TRNAU1AP: variants seen among roughly 807,000 people sequenced by gnomAD.
TRNAU1AP encodes tRNA selenocysteine 1 associated protein 1.
A neutral mutation model predicts 43.3 loss-of-function variants in TRNAU1AP; 33 were observed. The ratio of observed to expected loss-of-function variants is 0.76; its 90% confidence interval spans 0.58 to 1.02. The LOEUF is 1.02. Ranked by LOEUF, TRNAU1AP falls within the 50% of genes least tolerant of loss-of-function variation. The pLI, the probability that TRNAU1AP is intolerant of heterozygous loss-of-function variation, is 0.00. For missense variants in TRNAU1AP, 290 were observed against 362.7 expected, an observed-to-expected ratio of 0.80 and a Z score of 1.63; for synonymous variants, 143 against 129.1, an observed-to-expected ratio of 1.11 and a Z score of -0.73.
At chr1:28,570,672 C>T (rs1665645425) in intron 6 of TRNAU1AP, among the ~76,000 whole-genome samples, 1 of 152,050 alleles carries the variant, frequency 6.6e-6, no homozygotes, top group Non-Finnish European at 1.5e-5. Context: ...TGGAGCCATA[C>T]TCTCATATTA....
At chr1:28,565,098 G>A (rs1665508383) in intron 5 of TRNAU1AP, 2 of 448,950 alleles carry the variant, frequency 4.5e-6, no homozygotes, top group South Asian at 5.0e-5. Context: ...AAGGATTAAA[G>A]GATATAATAT....
At chr1:28,553,914 C>A in intron 2 of TRNAU1AP, 177 bp downstream of exon 2, 1 of 609,658 alleles carries the variant, frequency 1.6e-6, no homozygotes, top group East Asian at 3.0e-5. Context: ...AAGGGTAGGA[C>A]TTGCCAGGCG....
At chr1:28,570,555 GT>G (rs1343114512) in intron 6 of TRNAU1AP, among the ~76,000 whole-genome samples, 1 of 148,422 alleles carries the variant, frequency 6.7e-6, no homozygotes, top group Non-Finnish European at 1.5e-5. Flanking sequence ...GCCCTTTTTT[GT>G]TTTGTTTTTT....
chr1:28,553,329 G>A, intron 1 of TRNAU1AP, 192 bp downstream of exon 1: 2 of 750,628 alleles, frequency 2.7e-6, no homozygotes, highest in Non-Finnish European at 4.3e-6. Context: ...TAGGGGTCCT[G>A]GGGCCCCACC....
chr1:28,569,477 G>A (rs554965383), intron 6 of TRNAU1AP, among the ~76,000 whole-genome samples: 3 of 151,868 alleles, frequency 2.0e-5, no homozygotes, highest in Middle Eastern at 3.4e-3. Flanking sequence ...GGATCACAAG[G>A]TCAGGAGATC....
At chr1:28,561,285 A>T (rs761978667) in intron 3 of TRNAU1AP, 61 bp from the exon 4 acceptor site, 2 of 1,606,578 alleles carry the variant, frequency 1.2e-6, no homozygotes, top group African/African-American at 1.3e-5. Flanking sequence ...TTTTCTTCAA[A>T]TATTGTTCAA....
intron 2 of TRNAU1AP, among the ~76,000 whole-genome samples, chr1:28,554,864 T>C (rs1665223678): frequency 6.7e-6 from 1 of 149,772 alleles, no homozygotes; most frequent in African/African-American, 2.5e-5. Context: ...AAAAGAGTTA[T>C]AATAAATAAC....
intron 4 of TRNAU1AP, among the ~76,000 whole-genome samples, chr1:28,564,091 C>A (rs1039645414): frequency 3.9e-5 from 6 of 152,014 alleles, no homozygotes; most frequent in Non-Finnish European, 7.4e-5. Context: ...TTGGCGAAAC[C>A]CCGTCTCTGC....
intron 5 of TRNAU1AP, among the ~76,000 whole-genome samples, chr1:28,566,759 C>CAAA (rs1204229638): frequency 2.8e-5 from 2 of 72,360 alleles, no homozygotes; most frequent in Admixed American, 1.5e-4. Context: ...AACTCCATCT[C>CAAA]AAAAAAAAAA....
intron 4 of TRNAU1AP, among the ~76,000 whole-genome samples, chr1:28,563,904 A>G (rs1213032883): frequency 6.6e-6 from 1 of 152,022 alleles, no homozygotes; most frequent in African/African-American, 2.4e-5. Flanking sequence ...TATTTTTTTA[A>G]TAGAATTGAC....
At chr1:28,564,961 G>A in intron 5 of TRNAU1AP, 127 bp downstream of exon 5, 1 of 1,159,542 alleles carries the variant, frequency 8.6e-7, no homozygotes, top group Non-Finnish European at 1.3e-6. Context: ...CAAACTGCCT[G>A]GTTCAAATCC....
At chr1:28,576,202 T>C (rs1665775783) in intron 8 of TRNAU1AP, among the ~76,000 whole-genome samples, 2 of 149,126 alleles carry the variant, frequency 1.3e-5, no homozygotes, top group African/African-American at 2.5e-5. Flanking sequence ...TGCCCAGACT[T>C]GAGATCAGTG....
In TRNAU1AP at chr1:28,571,204, C is replaced by G. The variant is rs1665654955; in HGVS notation, c.559C>G (p.Gln187Glu). The G allele has an allele frequency of 6.2e-7, 1 of 1,613,958 alleles. No homozygotes were observed. Among genetic ancestry groups the G allele is most frequent in the African/African-American group, 1.3e-5 (1 of 74,908 alleles). ...ASRVKPVEYS[Q>E]MYSYSYNQYY... ...CCGTGTAAAGCCAGTGGAATATAGT[C>G]AGATGTACAGTTATAGCTACAACCA... The change falls in exon 7 of 9, where the codon CAG becomes GAG. Residue 187 changes from glutamine to glutamate, a missense_variant. This residue lies in a region of TRNAU1AP where 174 missense variants were observed against 262.1 expected (regional missense o/e 0.66). Transcript: ENST00000373830.
chr1:28,562,164 C>T (rs780643239), intron 4 of TRNAU1AP, among the ~76,000 whole-genome samples: 3 of 152,218 alleles, frequency 2.0e-5, no homozygotes, highest in Admixed American at 1.3e-4. Flanking sequence ...AGCATTAAAA[C>T]GGTGTACCAA....
chr1:28,554,049 T>G (rs181440594), intron 2 of TRNAU1AP: 118 of 206,306 alleles, frequency 5.7e-4, no homozygotes, highest in African/African-American at 2.6e-3. Flanking sequence ...AATACAAAAA[T>G]TAGCCGGGTG....
chr1:28,556,576 A>C, intron 2 of TRNAU1AP, among the ~76,000 whole-genome samples: 1 of 143,942 alleles, frequency 6.9e-6, no homozygotes, highest in Admixed American at 7.2e-5. Context: ...CAATGGCACC[A>C]TCTTGGCTCA....
intron 8 of TRNAU1AP, 126 bp from the exon 9 acceptor site, chr1:28,577,374 C>G: frequency 9.5e-7 from 1 of 1,050,454 alleles, no homozygotes; most frequent in South Asian, 1.6e-5. Flanking sequence ...AGTGCTTTCA[C>G]TTCCTGAAAG....
intron 2 of TRNAU1AP, among the ~76,000 whole-genome samples, chr1:28,560,267 C>G (rs925608764): frequency 6.7e-6 from 1 of 149,552 alleles, no homozygotes. Flanking sequence ...AAGGCCAAGA[C>G]CCATCTTGAG....
intron 2 of TRNAU1AP, among the ~76,000 whole-genome samples, chr1:28,558,856 C>T (rs975968762): frequency 5.3e-5 from 8 of 152,134 alleles, no homozygotes; most frequent in Non-Finnish European, 7.4e-5. Flanking sequence ...TGAGCCACCG[C>T]GCCTGGCGAA....
Sources: allele counts gnomAD v4.1 joint callset (sites outside exome capture counted in the v4.1 genomes callset), GRCh38; gene constraint gnomAD v4.1.1; regional missense constraint gnomAD v4.1.1; transcripts MANE v1.5; gene names NCBI Gene and HGNC (gene_info 2026-07-23, HGNC 2026-07-21).